GALNT8: variants seen among roughly 807,000 people sequenced by gnomAD.
The protein encoded by GALNT8 is probable polypeptide N-acetylgalactosaminyltransferase 8.
Under a neutral mutation model 62.7 loss-of-function variants are expected in GALNT8, and 66 were observed. The observed-to-expected ratio is 1.05, with a 90% CI of 0.86 to 1.29. The LOEUF is 1.29. Ranked by LOEUF, GALNT8 falls within the 50% of genes most tolerant of loss-of-function variation. The probability of loss-of-function intolerance (pLI) is 0.00; values close to 1 mark genes in which losing one functional copy is unlikely to be tolerated. For missense variants in GALNT8, 771 were observed against 791.8 expected, an observed-to-expected ratio of 0.97 and a Z score of 0.32; for synonymous variants, 288 against 294.3, an observed-to-expected ratio of 0.98 and a Z score of 0.22.
intron 6 of GALNT8, among the ~76,000 whole-genome samples, chr12:4,758,754 G>A (rs908046767): frequency 4.0e-5 from 6 of 150,578 alleles, no homozygotes; most frequent in African/African-American, 4.9e-5. Context: ...CTAATTATGG[G>A]CATTACTTCA....
chr12:4,771,901 CTT>C (rs1164602855), intron 10 of GALNT8, among the ~76,000 whole-genome samples: 3 of 152,194 alleles, frequency 2.0e-5, no homozygotes, highest in African/African-American at 7.2e-5. Flanking sequence ...TCAGCCCTGA[CTT>C]TGTAGCACTA....
chr12:4,737,710 G>A (rs1379861579), intron 2 of GALNT8, among the ~76,000 whole-genome samples: 5 of 152,330 alleles, frequency 3.3e-5, no homozygotes, highest in Admixed American at 1.3e-4. Context: ...TGTTTAGGTC[G>A]TGAAGGCTCT....
intron 1 of GALNT8, among the ~76,000 whole-genome samples, chr12:4,723,750 C>CT (rs539656719): frequency 0.16 from 20,475 of 124,866 alleles, 1,845 homozygotes; most frequent in Non-Finnish European, 0.2. Context: ...ATCACCAATG[C>CT]TTTTTTTTTT....
chr12:4,729,065 G>A (rs1946209104), intron 2 of GALNT8, among the ~76,000 whole-genome samples: 1 of 152,014 alleles, frequency 6.6e-6, no homozygotes, highest in Admixed American at 6.6e-5. Context: ...CACAGTATAA[G>A]TTTGTTTATG....
intron 6 of GALNT8, among the ~76,000 whole-genome samples, chr12:4,753,694 G>C (rs11063328): frequency 0.51 from 77,063 of 151,970 alleles, 20,254 homozygotes; most frequent in Non-Finnish European, 0.59. Context: ...TTGGTGAGAT[G>C]ATGTTTTCCT....
intron 8 of GALNT8, 139 bp from the exon 9 acceptor site, chr12:4,763,813 G>A: frequency 1.6e-6 from 1 of 645,010 alleles, no homozygotes; most frequent in Non-Finnish European, 2.8e-6. Flanking sequence ...AATGCCTGCC[G>A]GGATCCCAGC....
Position 4,720,788 on chromosome 12 carries a change from T to C in GALNT8, c.111T>C (p.Phe37=), listed in dbSNP as rs377633056. The C allele has an allele frequency of 1.2e-6, 2 of 1,611,958 alleles. No homozygotes were observed. Among genetic ancestry groups the C allele is most frequent in the African/African-American group, 1.3e-5 (1 of 74,902 alleles). ...FSSKGTLQNL[F]TGGLHRELPL... is the part of the protein sequence containing the mutation. ...GCAAGGGGACTTTACAAAACCTGTT[T>C]ACGGGTGGTCTCCACAGGGAGCTTC... Residue 37 remains phenylalanine (F), a synonymous_variant, in exon 1 of 11, where the codon TTT becomes TTC. Coordinates refer to ENST00000252318, the MANE Select transcript of GALNT8 (RefSeq NM_017417.2).
chr12:4,771,076 C>T (rs976493995), intron 10 of GALNT8, among the ~76,000 whole-genome samples: 7 of 152,054 alleles, frequency 4.6e-5, no homozygotes, highest in South Asian at 4.2e-4. Flanking sequence ...TTGCAGGGGA[C>T]GGGAAGATTG....
At chr12:4,734,443 A>G (rs1024127073) in intron 2 of GALNT8, among the ~76,000 whole-genome samples, 1 of 152,174 alleles carries the variant, frequency 6.6e-6, no homozygotes, top group Non-Finnish European at 1.5e-5. Flanking sequence ...TATTGCTAGA[A>G]TCTGAGAATT....
At chr12:4,744,737 A>C (rs923707292) in intron 4 of GALNT8, 37 bp downstream of exon 4, 2 of 1,444,304 alleles carry the variant, frequency 1.4e-6, no homozygotes, top group Non-Finnish European at 1.9e-6. Flanking sequence ...TGGAAAGGGC[A>C]GAGAGGAGAT....
At chr12:4,742,750 C>T (rs1384523240) in intron 3 of GALNT8, among the ~76,000 whole-genome samples, 1 of 151,752 alleles carries the variant, frequency 6.6e-6, no homozygotes, top group Non-Finnish European at 1.5e-5. Flanking sequence ...AGCTAGGGAG[C>T]GCCGAAGGAA....
chr12:4,758,639 A>AGC (rs1946357159), intron 6 of GALNT8, among the ~76,000 whole-genome samples: 3 of 50,278 alleles, frequency 6.0e-5, no homozygotes, highest in African/African-American at 1.9e-4. Flanking sequence ...TGTGTGTGTG[A>AGC]GAGAGAGAGA....
Position 4,726,971 on chromosome 12 carries a change from T to C in GALNT8, c.509+142T>C. The C allele has an allele frequency of 3.0e-6, 2 of 663,120 alleles. No homozygotes were observed. Among genetic ancestry groups the C allele is most frequent in the South Asian group, 3.9e-5 (2 of 51,186 alleles). 41.1% of individuals were successfully genotyped at this position (663,120 alleles called of 1,614,324 possible). ...CTGAGCAAAGTTGTTGTTTTCAATTTATTTTATAATGACAGCTCAGAGAAG... is the reference window on the plus strand; with the variant it reads ...CTGAGCAAAGTTGTTGTTTTCAATTCATTTTATAATGACAGCTCAGAGAAG... On this transcript the variant is annotated intron_variant, in intron 2 of 10. Transcript: ENST00000252318. The surrounding 1 kb of genome is among the most constrained non-coding windows in gnomAD (Gnocchi z 4.1).
At chr12:4,758,637 TGAGAGAGAGAGA>T (rs60343127) in intron 6 of GALNT8, among the ~76,000 whole-genome samples, 10 of 59,746 alleles carry the variant, frequency 1.7e-4, no homozygotes, top group South Asian at 7.3e-4. Context: ...TGTGTGTGTG[TGAGAGAGAGAGA>T]GAGAGAGAGA....
chr12:4,735,766 G>A (rs1025678465), intron 2 of GALNT8, among the ~76,000 whole-genome samples: 2 of 152,130 alleles, frequency 1.3e-5, no homozygotes, highest in Non-Finnish European at 2.9e-5. Context: ...CCCAGCCCAC[G>A]TCTACCTGTA....
rs1160623794 is a variant in GALNT8, at chr12:4,720,525, G to A, written c.-153G>A. 13 of 625,114 alleles carry A rather than the reference G, an allele frequency of 2.1e-5. No individual in the cohort carries two copies. The highest frequency in any genetic ancestry group is 3.8e-5 in the South Asian group (2 of 52,244). 38.7% of individuals were successfully genotyped at this position (625,114 alleles called of 1,614,324 possible). Reference sequence around the variant, plus strand: ...AGACTTTGCTCCTCAGAGGCCACCCGTGGCTTCCCATGGGTGTCTCACACA... The same window carrying A: ...AGACTTTGCTCCTCAGAGGCCACCCATGGCTTCCCATGGGTGTCTCACACA... On this transcript the variant is annotated 5_prime_UTR_variant, in exon 1 of 11. The change creates a new upstream start codon in the 5' untranslated region. Coordinates refer to ENST00000252318, the MANE Select transcript of GALNT8 (RefSeq NM_017417.2).
chr12:4,725,427 G>A (rs1265082330), intron 1 of GALNT8, among the ~76,000 whole-genome samples: 1 of 152,096 alleles, frequency 6.6e-6, no homozygotes, highest in African/African-American at 2.4e-5. Context: ...CCGAATTAAT[G>A]TGACAATTAG....
At position 4,739,055 on chromosome 12, in the gene GALNT8, G is replaced by A. The variant is rs555264745; in HGVS notation, c.510-108G>A. On this transcript the variant is annotated intron_variant, in intron 2 of 10. Transcript: ENST00000252318. The stretch of plus-strand genomic sequence containing the variant: ...TTTTGCTTTCCAGTGAGTTTGAGGG[G>A]TGGATGAATTGGTCGATATAACATC... 11 of 596,536 alleles carry A rather than the reference G, an allele frequency of 1.8e-5. 1 individual carries two copies. The Admixed American group carries it at 2.7e-4, about 15-fold the overall frequency. The allele number at this position is 596,536 out of a possible 1,614,324, so 37.0% of individuals were successfully genotyped here.
chr12:4,733,874 C>T (rs1397563338), intron 2 of GALNT8, among the ~76,000 whole-genome samples: 1 of 152,198 alleles, frequency 6.6e-6, no homozygotes, highest in Non-Finnish European at 1.5e-5. Context: ...TATGTAGTGA[C>T]CTACCAGGGA....
Sources: allele counts gnomAD v4.1 joint callset (sites outside exome capture counted in the v4.1 genomes callset), GRCh38; gene constraint gnomAD v4.1.1; non-coding constraint Gnocchi (gnomAD v3.1); transcripts MANE v1.5; gene names NCBI Gene and HGNC (gene_info 2026-07-23, HGNC 2026-07-21).